The following CHST9 variants were observed in gnomAD, a reference collection of about 807,000 sequenced individuals.
CHST9 encodes carbohydrate sulfotransferase 9.
Under a neutral mutation model 44.4 loss-of-function variants are expected in CHST9, and 41 were observed. That is an observed-to-expected ratio of 0.92 (90% CI 0.72 to 1.20). The LOEUF (loss-of-function observed/expected upper bound fraction) is 1.20. Ranked by LOEUF, CHST9 falls within the 50% of genes most tolerant of loss-of-function variation. The probability of loss-of-function intolerance (pLI) is 0.00; values close to 1 mark genes in which losing one functional copy is unlikely to be tolerated. For missense variants in CHST9, 504 were observed against 516.5 expected, an observed-to-expected ratio of 0.98 and a Z score of 0.23; for synonymous variants, 171 against 178.4, an observed-to-expected ratio of 0.96 and a Z score of 0.33.
At chr18:26,982,633 G>C (rs185187063) in intron 4 of CHST9, among the ~76,000 whole-genome samples, 94 of 152,152 alleles carry the variant, frequency 6.2e-4, no homozygotes, top group African/African-American at 2.1e-3. Context: ...AGAAGGGATG[G>C]GGATGAGGGG....
intron 1 of CHST9, among the ~76,000 whole-genome samples, chr18:27,177,573 T>C (rs1206575463): frequency 1.3e-4 from 20 of 152,028 alleles, no homozygotes; most frequent in Non-Finnish European, 8.8e-5. Flanking sequence ...TGTCATCTTA[T>C]TTGGTTTTCC....
At position 27,047,956 on chromosome 18, in the gene CHST9, T is replaced by G. The variant is rs1300346699; in HGVS notation, c.160+509A>C. 1.3e-5 allele frequency among the ~76,000 whole-genome samples: 2 copies of G among 152,224 alleles called. 1 individual carries two copies. Among genetic ancestry groups the G allele is most frequent in the South Asian group, 4.1e-4 (2 of 4,834 alleles). On this transcript the variant is annotated intron_variant, in intron 3 of 5. Coordinates refer to ENST00000618847, the MANE Select transcript of CHST9 (RefSeq NM_031422.6). ...TTAGCAAATACTGACCCCTACTATGTGCAATGGCATTCTGCCAAAGCATGA... is the reference window on the plus strand; with the variant it reads ...TTAGCAAATACTGACCCCTACTATGGGCAATGGCATTCTGCCAAAGCATGA...
intron 5 of CHST9, 32 bp downstream of exon 5, chr18:26,944,297 T>G: frequency 6.5e-7 from 1 of 1,550,156 alleles, no homozygotes; most frequent in Non-Finnish European, 8.9e-7. Flanking sequence ...AACAAAATTC[T>G]ATATTAGAGT....
At chr18:26,972,457 A>G (rs2056561725) in intron 4 of CHST9, among the ~76,000 whole-genome samples, 1 of 150,346 alleles carries the variant, frequency 6.7e-6, no homozygotes, top group South Asian at 2.1e-4. Flanking sequence ...CTATCCTGGG[A>G]GAAAGGGTTC....
intron 1 of CHST9, among the ~76,000 whole-genome samples, chr18:27,160,633 T>C (rs2058738587): frequency 6.6e-6 from 1 of 152,164 alleles, no homozygotes; most frequent in African/African-American, 2.4e-5. Context: ...ATAAAATGAG[T>C]TAGGGAGGAT....
chr18:27,098,919 G>A (rs2058144175), intron 2 of CHST9, among the ~76,000 whole-genome samples: 1 of 151,896 alleles, frequency 6.6e-6, no homozygotes, highest in African/African-American at 2.4e-5. Context: ...GGAAAAAGCT[G>A]GAGGCATCAC....
At chr18:27,073,694 C>T (rs2057867759) in intron 2 of CHST9, among the ~76,000 whole-genome samples, 2 of 151,920 alleles carry the variant, frequency 1.3e-5, no homozygotes, top group Admixed American at 1.3e-4. Flanking sequence ...TATTCAGTAG[C>T]CACTCCTGCT....
Position 27,119,428 on chromosome 18 carries a change from A to T in CHST9, c.121+23261T>A, listed in dbSNP as rs559476990. Among the ~76,000 whole-genome samples, 3 of 152,320 alleles carry T rather than the reference A, an allele frequency of 2.0e-5. No individual in the cohort carries two copies. The East Asian group carries it at 5.8e-4, about 29-fold the overall frequency. On this transcript the variant is annotated intron_variant, in intron 2 of 5. Transcript: ENST00000618847. ...GTTTGTGGATTACTAGCTAGGTAAT[A>T]TTAAAAGTCTTTTTCAGTTGTAACA... is the stretch of plus-strand genomic sequence containing the variant.
chr18:27,170,135 T>C (rs2058823341), intron 1 of CHST9, among the ~76,000 whole-genome samples: 1 of 152,168 alleles, frequency 6.6e-6, no homozygotes, highest in African/African-American at 2.4e-5. Context: ...GCTGAGACAA[T>C]GCTAAATTCC....
chr18:27,133,199 G>A (rs962397317), intron 2 of CHST9, among the ~76,000 whole-genome samples: 5 of 152,166 alleles, frequency 3.3e-5, no homozygotes, highest in African/African-American at 7.2e-5. Flanking sequence ...GTACCACTTC[G>A]TAGATAGCAA....
intron 4 of CHST9, among the ~76,000 whole-genome samples, chr18:27,022,532 A>G (rs1225740503): frequency 5.3e-5 from 8 of 152,182 alleles, no homozygotes; most frequent in Admixed American, 4.6e-4. Context: ...TTTCTTGGTA[A>G]TATACCTTTA....
At chr18:26,960,876 ATT>A (rs1034022071) in intron 4 of CHST9, among the ~76,000 whole-genome samples, 17 of 152,086 alleles carry the variant, frequency 1.1e-4, no homozygotes, top group African/African-American at 3.9e-4. Context: ...AGTAATAATA[ATT>A]TTTGCCCATC....
At chr18:27,139,257 ATG>A (rs1466035027) in intron 2 of CHST9, among the ~76,000 whole-genome samples, 3 of 152,166 alleles carry the variant, frequency 2.0e-5, no homozygotes, top group African/African-American at 7.2e-5. Flanking sequence ...ACTGAAATAT[ATG>A]TGTGATCAAA....
chr18:27,042,287 T>G (rs879332902), intron 3 of CHST9, among the ~76,000 whole-genome samples: 1 of 152,088 alleles, frequency 6.6e-6, no homozygotes, highest in African/African-American at 2.4e-5. Flanking sequence ...CTTGACCAAG[T>G]CACATAGCAG....
intron 3 of CHST9, among the ~76,000 whole-genome samples, chr18:27,046,510 G>A (rs1248100527): frequency 1.3e-5 from 2 of 151,850 alleles, no homozygotes; most frequent in African/African-American, 4.8e-5. Flanking sequence ...TAACTGGGGA[G>A]GCAGGACATA....
intron 2 of CHST9, among the ~76,000 whole-genome samples, chr18:27,053,137 GAAGAAGAAGAAGAAGAA>G (rs2057591251): frequency 2.4e-5 from 2 of 83,794 alleles, no homozygotes; most frequent in Middle Eastern, 5.2e-3. Context: ...AGAGGAAGAA[GAAGAAGAAGAAGAAGAA>G]GAAGAAGAAG....
intron 2 of CHST9, among the ~76,000 whole-genome samples, chr18:27,120,969 A>G (rs1286987052): frequency 6.6e-6 from 1 of 152,100 alleles, no homozygotes; most frequent in African/African-American, 2.4e-5. Flanking sequence ...ATGTGGTTTC[A>G]TGGATATCAG....
At chr18:26,925,905 C>A (rs1361163323) in intron 5 of CHST9, 3 of 152,074 alleles carry the variant, frequency 2.0e-5, no homozygotes, top group Admixed American at 2.0e-4. Context: ...TCTCTTTCTC[C>A]TCTTCCTTCT....
In CHST9 at chr18:26,946,207, G is replaced by A. The variant is rs114652639; in HGVS notation, c.203-1841C>T. On this transcript the variant is annotated intron_variant, in intron 4 of 5. Coordinates refer to ENST00000618847, the MANE Select transcript of CHST9 (RefSeq NM_031422.6). The stretch of plus-strand genomic sequence containing the variant: ...GAGACAACATGGCTTGTGGGAAAAG[G>A]TTGGCCTTTTAAATTACAGATCACT... 7.7e-3 allele frequency among the ~76,000 whole-genome samples: 1,176 copies of A among 152,294 alleles called. 13 individuals are homozygous for A. The highest frequency in any genetic ancestry group is 0.027 in the African/African-American group (1,113 of 41,566).
Sources: allele counts gnomAD v4.1 joint callset (sites outside exome capture counted in the v4.1 genomes callset), GRCh38; gene constraint gnomAD v4.1.1; transcripts MANE v1.5; gene names NCBI Gene and HGNC (gene_info 2026-07-23, HGNC 2026-07-21).